Variants in SOD2 observed in about 807,000 individuals in gnomAD.
The protein encoded by SOD2 is superoxide dismutase 2.
SOD2 carries 11 observed loss-of-function variants against 27.0 expected under a neutral mutation model. That is an observed-to-expected ratio of 0.41 (90% CI 0.26 to 0.67). SOD2 has a LOEUF of 0.67. SOD2 is among the 30% of genes least tolerant of loss of function. The pLI is 0.34. For synonymous variants in SOD2, 105 were observed against 103.0 expected (o/e 1.02, Z -0.12); for missense variants, 250 against 274.5 (o/e 0.91, Z 0.63).
chr6:159,693,252 C>A, upstream of SOD2: 3 of 1,326,360 alleles, frequency 2.3e-6, no homozygotes, highest in Admixed American at 2.3e-5. Flanking sequence ...GCCGCTCCTG[C>A]GCCGCCCGCG....
rs1386536623 is a variant in SOD2, at chr6:159,711,578, AC to A, written c.-116+15550del. On this transcript the variant is annotated intron_variant, in intron 1 of 2. Coordinates refer to the SOD2 transcript ENST00000401980. Reference sequence around the variant, plus strand: ...ATAACCACCTCCACAACCACCACTCACACTGCTCTGACCACCATAACCACCT... The same window carrying A: ...ATAACCACCTCCACAACCACCACTCAACTGCTCTGACCACCATAACCACCT... 8.5e-4 allele frequency among the ~76,000 whole-genome samples: 31 copies of A among 36,300 alleles called. 2 individuals carry two copies. Among genetic ancestry groups the A allele is most frequent in the Admixed American group, 1.2e-3 (4 of 3,442 alleles). 23.8% of individuals were successfully genotyped at this position (36,300 alleles called of 152,430 possible). A position where few individuals can be genotyped will look rare whatever the true frequency, so the allele number is the denominator to read the frequency against.
chr6:159,744,101 T>G (rs965166890), intron 1 of SOD2, among the ~76,000 whole-genome samples: 3 of 152,210 alleles, frequency 2.0e-5, no homozygotes, highest in East Asian at 1.9e-4. Context: ...AAAAGAACAT[T>G]TGCTCTTTAT....
chr6:159,758,052 A>G (rs1478330357), intron 1 of SOD2, among the ~76,000 whole-genome samples: 1 of 152,138 alleles, frequency 6.6e-6, no homozygotes, highest in African/African-American at 2.4e-5. Flanking sequence ...CAGAGTCAGT[A>G]TTTCTCATTT....
At chr6:159,690,354 T>C (rs890361663) in intron 2 of SOD2, among the ~76,000 whole-genome samples, 8 of 151,106 alleles carry the variant, frequency 5.3e-5, no homozygotes, top group African/African-American at 1.9e-4. Flanking sequence ...CCCAGCACTC[T>C]GGAAGGCCGA....
intron 1 of SOD2, among the ~76,000 whole-genome samples, chr6:159,712,319 A>ATTGCT (rs1777818353): frequency 7.0e-6 from 1 of 143,370 alleles, no homozygotes; most frequent in African/African-American, 2.6e-5. Flanking sequence ...CACCACTCAC[A>ATTGCT]CTGCTCTGAT....
chr6:159,749,265 A>G, upstream of SOD2: 1 of 985,374 alleles, frequency 1.0e-6, no homozygotes, highest in Middle Eastern at 5.2e-4. Context: ...TCACTGCATT[A>G]TTTTTTTTAG....
rs574823946 is a variant in SOD2, at chr6:159,756,718, C to G, written c.-336+4319G>C. Among the ~76,000 whole-genome samples the G allele has an allele frequency of 1.9e-4, 28 of 151,132 alleles. No individual in the cohort carries two copies. The East Asian group carries it at 4.5e-3, about 24-fold the overall frequency. The stretch of plus-strand genomic sequence containing the variant: ...CTCGACTCAAGTGATCCTCCCACTT[C>G]AGGCTTCCGAGTACCTGAGACTATA... On this transcript the variant is annotated intron_variant, in intron 1 of 7. Coordinates refer to the SOD2 transcript ENST00000546087.
At chr6:159,688,771 C>A (rs966761317) in intron 2 of SOD2, among the ~76,000 whole-genome samples, 2 of 152,172 alleles carry the variant, frequency 1.3e-5, no homozygotes, top group Admixed American at 6.5e-5. Flanking sequence ...TCCTTGGGAA[C>A]CTGATGTCAT....
chr6:159,699,493 A>G (rs1274986253), intron 1 of SOD2, among the ~76,000 whole-genome samples: 1 of 151,946 alleles, frequency 6.6e-6, no homozygotes, highest in Non-Finnish European at 1.5e-5. Flanking sequence ...TTTCATGAGG[A>G]CTTCCTGCAA....
At chr6:159,736,735 C>T (rs1377725755) in intron 1 of SOD2, 1 of 153,422 alleles carries the variant, frequency 6.5e-6, no homozygotes, top group African/African-American at 2.4e-5. Context: ...AGCTAATTTT[C>T]AAATTCTACC....
At chr6:159,761,809 C>A (rs1397267139) in exon 1 of SOD2, 2 of 236,322 alleles carry the variant, frequency 8.5e-6, no homozygotes, top group African/African-American at 4.7e-5. Context: ...CGGTTCTGCC[C>A]GCAAGCCCAG....
upstream of SOD2, among the ~76,000 whole-genome samples, chr6:159,747,854 T>G (rs1357750858): frequency 1.3e-5 from 2 of 151,852 alleles, no homozygotes. Flanking sequence ...TTTGGAGATG[T>G]AATCAAATGG....
rs1328024823 is a variant in SOD2, at chr6:159,673,157, C to CT, written c.*9335dup. ...TCCCACACAATAACAATGGGAGACT[C>CT]TAACACCCCACTGTCAATATTAGAC... On this transcript the variant is annotated 3_prime_UTR_variant, in exon 5 of 5. Coordinates refer to ENST00000538183, the MANE Select transcript of SOD2 (RefSeq NM_000636.4). 6.6e-6 allele frequency: 1 copy of CT among 152,134 alleles called. No homozygotes were observed. Among genetic ancestry groups the CT allele is most frequent in the African/African-American group, 2.4e-5 (1 of 41,430 alleles). The allele number at this position is 152,134 out of a possible 1,614,324, so 9.4% of individuals were successfully genotyped here.
At chr6:159,733,619 CAA>C (rs572744439) in intron 1 of SOD2, among the ~76,000 whole-genome samples, 13 of 112,290 alleles carry the variant, frequency 1.2e-4, no homozygotes, top group South Asian at 2.7e-4. Flanking sequence ...GAGACTGTCT[CAA>C]AAAAAAAAAA....
chr6:159,714,689 T>G (rs2114830291), intron 1 of SOD2, among the ~76,000 whole-genome samples: 1 of 152,360 alleles, frequency 6.6e-6, no homozygotes, highest in Admixed American at 6.5e-5. Flanking sequence ...GTGTCCTGCC[T>G]AACTAATCAC....
chr6:159,729,323 G>C (rs1459724670), upstream of SOD2, among the ~76,000 whole-genome samples: 1 of 152,106 alleles, frequency 6.6e-6, no homozygotes, highest in Admixed American at 6.6e-5. Flanking sequence ...AATTTTTTTA[G>C]TTGTCTCCAA....
At position 159,717,964 on chromosome 6, in the gene SOD2, A is replaced by AT. The variant is rs370806356; in HGVS notation, c.-116+9164dup. ...ATATATATACACTCACACATACACA[A>AT]TTTTTTTTTCTTTTTCTTTCTCTCT... On this transcript the variant is annotated intron_variant, in intron 1 of 2. Transcript: ENST00000401980. Among the ~76,000 whole-genome samples the AT allele has an allele frequency of 2.5e-4, 38 of 149,144 alleles. 1 individual carries two copies. Among genetic ancestry groups the AT allele is most frequent in the Admixed American group, 1.0e-3 (15 of 14,880 alleles).
upstream of SOD2, among the ~76,000 whole-genome samples, chr6:159,731,839 A>G (rs556367347): frequency 1.3e-5 from 2 of 152,226 alleles, no homozygotes; most frequent in Non-Finnish European, 2.9e-5. Context: ...CAGAATACCA[A>G]GGTTATCAGA....
At chr6:159,683,989 T>C (rs1177161774) in intron 4 of SOD2, among the ~76,000 whole-genome samples, 1 of 152,226 alleles carries the variant, frequency 6.6e-6, no homozygotes, top group Non-Finnish European at 1.5e-5. Context: ...AGACAACTCA[T>C]GGCTCTATTT....
Sources: gnomAD v4.1 joint callset for allele counts (sites outside exome capture counted in the v4.1 genomes callset) on GRCh38, gnomAD v4.1.1 for gene constraint, MANE v1.5 for transcripts, NCBI Gene and HGNC (gene_info 2026-07-23, HGNC 2026-07-21) for gene names.